Variants in BBX observed in about 807,000 individuals in gnomAD.
The protein encoded by BBX is BBX high mobility group box domain containing.
A neutral mutation model predicts 100.2 loss-of-function variants in BBX; 30 were observed. The observed-to-expected ratio is 0.30, with a 90% CI of 0.22 to 0.41. The LOEUF (loss-of-function observed/expected upper bound fraction) is 0.41, where lower values mean the gene tolerates loss of function less well. BBX is among the 10% of genes least tolerant of loss of function. The pLI is 1.00. For missense variants in BBX, 1,023 were observed against 1,129.8 expected (o/e 0.91, Z 1.35); for synonymous variants, 376 against 388.1 (o/e 0.97, Z 0.37).
chr3:107,747,255 G>A (rs959187363), intron 8 of BBX, among the ~76,000 whole-genome samples: 1 of 152,078 alleles, frequency 6.6e-6, no homozygotes, highest in African/African-American at 2.4e-5. Context: ...GTGTGTTTGT[G>A]TTGGGTGGGA....
intron 3 of BBX, among the ~76,000 whole-genome samples, chr3:107,682,332 G>A (rs1453291839): frequency 6.6e-6 from 1 of 152,020 alleles, no homozygotes; most frequent in African/African-American, 2.4e-5. Context: ...CAGTTCACTC[G>A]TTCATTCATC....
At chr3:107,572,769 G>C (rs1180737670) in intron 2 of BBX, among the ~76,000 whole-genome samples, 7 of 151,916 alleles carry the variant, frequency 4.6e-5, no homozygotes, top group Non-Finnish European at 8.8e-5. Context: ...GTATTAAAAG[G>C]CTCATTTTAA....
At chr3:107,801,786 C>A (rs2070515094) in intron 17 of BBX, among the ~76,000 whole-genome samples, 1 of 152,108 alleles carries the variant, frequency 6.6e-6, no homozygotes, top group Non-Finnish European at 1.5e-5. Flanking sequence ...GGTGCCATCA[C>A]CAGCCATCAG....
chr3:107,565,183 G>T (rs1266791864), intron 2 of BBX, among the ~76,000 whole-genome samples: 1 of 151,948 alleles, frequency 6.6e-6, no homozygotes, highest in Admixed American at 6.6e-5. Context: ...TGGCCACCTT[G>T]TAAAACCTTT....
chr3:107,576,609 C>G (rs2051795292), intron 2 of BBX, among the ~76,000 whole-genome samples: 1 of 152,122 alleles, frequency 6.6e-6, no homozygotes. Flanking sequence ...AGCAGTGAGA[C>G]ATTAATCAGA....
chr3:107,549,825 T>C (rs1196385599), intron 2 of BBX, among the ~76,000 whole-genome samples: 1 of 151,980 alleles, frequency 6.6e-6, no homozygotes, highest in African/African-American at 2.4e-5. Flanking sequence ...AGTGGGTGTT[T>C]TGGACTGAGA....
chr3:107,611,800 T>C (rs556820515), intron 2 of BBX, among the ~76,000 whole-genome samples: 6 of 152,274 alleles, frequency 3.9e-5, no homozygotes, highest in African/African-American at 1.4e-4. Context: ...TTCTCTGTTA[T>C]AAATCCCTGG....
chr3:107,787,259 T>G (rs2068526633), intron 13 of BBX, among the ~76,000 whole-genome samples: 1 of 152,186 alleles, frequency 6.6e-6, no homozygotes, highest in Non-Finnish European at 1.5e-5. Context: ...CCCCCCAAAG[T>G]GCTGAGATTA....
intron 13 of BBX, among the ~76,000 whole-genome samples, chr3:107,784,414 A>G (rs2068209631): frequency 6.6e-6 from 1 of 151,958 alleles, no homozygotes; most frequent in Non-Finnish European, 1.5e-5. Flanking sequence ...AATCCATAAA[A>G]CCAACCAATA....
At chr3:107,534,517 C>A (rs779035598) in intron 2 of BBX, among the ~76,000 whole-genome samples, 14 of 151,840 alleles carry the variant, frequency 9.2e-5, no homozygotes, top group Non-Finnish European at 1.6e-4. Flanking sequence ...TTTTTCTCTC[C>A]CAGTCTATTA....
At chr3:107,733,879 G>A (rs900802309) in intron 7 of BBX, among the ~76,000 whole-genome samples, 1 of 152,140 alleles carries the variant, frequency 6.6e-6, no homozygotes, top group African/African-American at 2.4e-5. Context: ...TTGACGGGCA[G>A]GTAGTGGCAG....
At position 107,566,174 on chromosome 3, in the gene BBX, T is replaced by C. The variant is rs1396695718; in HGVS notation, c.-84+39776T>C. On this transcript the variant is annotated intron_variant, in intron 2 of 17. Coordinates refer to ENST00000325805, the MANE Select transcript of BBX (RefSeq NM_001142568.3). ...TGGGCAACAAGAGCGAAACTCTGTC[T>C]CAAAAAAAAAAAAAAAAAAAAAAAA... 1.9e-4 allele frequency among the ~76,000 whole-genome samples: 5 copies of C among 26,582 alleles called. No individual in the cohort carries two copies. In the South Asian group the frequency reaches 4.6e-3, roughly 25 times the overall value. 17.4% of individuals were successfully genotyped at this position (26,582 alleles called of 152,430 possible).
At chr3:107,575,588 TTAGA>T (rs1213769739) in intron 2 of BBX, among the ~76,000 whole-genome samples, 16 of 152,194 alleles carry the variant, frequency 1.1e-4, no homozygotes, top group Admixed American at 3.3e-4. Context: ...TATATTTTAG[TTAGA>T]TAGCATTTTA....
intron 9 of BBX, among the ~76,000 whole-genome samples, chr3:107,753,946 A>T (rs2065269194): frequency 6.6e-6 from 1 of 152,192 alleles, no homozygotes; most frequent in African/African-American, 2.4e-5. Context: ...AGTGTTAAAG[A>T]TAAATCATTA....
At chr3:107,650,389 C>T (rs995274506) in intron 3 of BBX, among the ~76,000 whole-genome samples, 6 of 151,990 alleles carry the variant, frequency 3.9e-5, no homozygotes, top group African/African-American at 1.5e-4. Context: ...CAAACCATCC[C>T]CCCCACCTCC....
intron 4 of BBX, among the ~76,000 whole-genome samples, chr3:107,714,887 G>A (rs143627309): frequency 0.14 from 21,895 of 152,002 alleles, 1,956 homozygotes; most frequent in Middle Eastern, 0.32. Flanking sequence ...CTGGGTTCAA[G>A]CAATTCTCCT....
At chr3:107,762,866 A>G (rs67269255) in intron 10 of BBX, among the ~76,000 whole-genome samples, 17,204 of 152,220 alleles carry the variant, frequency 0.11, 1,122 homozygotes, top group Middle Eastern at 0.19. Context: ...TAAAAATCCA[A>G]AATGGTGTAG....
At chr3:107,657,244 G>A (rs2058199267) in intron 3 of BBX, 1 of 152,132 alleles carries the variant, frequency 6.6e-6, no homozygotes, top group Admixed American at 6.6e-5. Flanking sequence ...ACATTATGAA[G>A]GTTATACTCT....
rs535464530 is a variant in BBX, at chr3:107,587,336, C to G, written c.-83-58500C>G. Reference sequence around the variant, plus strand: ...CACTCTAGCCTGGTTGACTGAGAGACCCTGTCTCCAAAAAAAAAAAAAAAA... The same window carrying G: ...CACTCTAGCCTGGTTGACTGAGAGAGCCTGTCTCCAAAAAAAAAAAAAAAA... On this transcript the variant is annotated intron_variant, in intron 2 of 17. Coordinates refer to ENST00000325805, the MANE Select transcript of BBX (RefSeq NM_001142568.3). Among the ~76,000 whole-genome samples the G allele has an allele frequency of 2.5e-3, 343 of 138,716 alleles. 2 individuals carry two copies. The highest frequency in any genetic ancestry group is 8.5e-3 in the African/African-American group (317 of 37,296). The allele number at this position is 138,716 out of a possible 152,430, so 91.0% of individuals were successfully genotyped here.
Sources: gnomAD v4.1 joint callset for allele counts (sites outside exome capture counted in the v4.1 genomes callset) on GRCh38, gnomAD v4.1.1 for gene constraint, MANE v1.5 for transcripts, NCBI Gene and HGNC (gene_info 2026-07-23, HGNC 2026-07-21) for gene names.